Variants in VPS13C observed in about 807,000 individuals in gnomAD.
VPS13C encodes the protein vacuolar protein sorting 13 homolog C.
Under a neutral mutation model 456.8 loss-of-function variants are expected in VPS13C, and 358 were observed. That is an observed-to-expected ratio of 0.78 (90% CI 0.72 to 0.86). The LOEUF (loss-of-function observed/expected upper bound fraction) is 0.86, where lower values mean the gene tolerates loss of function less well. Ranked by LOEUF, VPS13C falls within the 40% of genes least tolerant of loss-of-function variation. VPS13C has a pLI of 0.00. For missense variants in VPS13C, 4,818 were observed against 4,385.4 expected (o/e 1.10, Z -2.79); for synonymous variants, 1,578 against 1,486.7 (o/e 1.06, Z -1.41).
rs368300154 is a variant in VPS13C at position 61,972,219 on chromosome 15, T to C, written c.2757+406A>G. 2.4e-4 allele frequency among the ~76,000 whole-genome samples: 37 copies of C among 152,338 alleles called. No individual in the cohort carries two copies. In the East Asian group the frequency reaches 5.4e-3, roughly 22 times the overall value. On this transcript the variant is annotated intron_variant, in intron 27 of 84. Transcript: ENST00000644861. ...ATGACTTTTAAAGGCTGTAAACGTA[T>C]GTTGGAAATTTAGGTTGTTTACATT... is the stretch of plus-strand genomic sequence containing the variant.
chr15:61,898,442 G>A (rs1436717753), intron 66 of VPS13C, among the ~76,000 whole-genome samples: 12 of 150,964 alleles, frequency 7.9e-5, no homozygotes, highest in African/African-American at 2.9e-4. Context: ...AAAAAGGCAG[G>A]GGTTGCAATC....
At position 61,973,272 on chromosome 15, in the gene VPS13C, G is replaced by A. The variant is rs191897901; in HGVS notation, c.2617+182C>T. ...AAAAACCCTTCATTTGTCCAACGAA[G>A]ACAGAAACTTGGGCTTAAAGGGGAT... is the stretch of plus-strand genomic sequence containing the variant. On this transcript the variant is annotated intron_variant, in intron 26 of 84. Coordinates refer to ENST00000644861, the MANE Select transcript of VPS13C (RefSeq NM_020821.3). Among the ~76,000 whole-genome samples the A allele has an allele frequency of 6.6e-3, 1,009 of 152,174 alleles. 11 individuals carry two copies. The highest frequency in any genetic ancestry group is 0.014 in the Middle Eastern group (4 of 294).
chr15:61,954,455 A>T lies in VPS13C; in HGVS notation c.4265T>A (p.Ile1422Asn). 6.2e-7 allele frequency: 1 copy of T among 1,607,628 alleles called. No individual in the cohort carries two copies. Among genetic ancestry groups the T allele is most frequent in the Non-Finnish European group, 8.5e-7 (1 of 1,177,788 alleles). The change falls in exon 38 of 85, where the codon ATC becomes AAC. Residue 1422 changes from isoleucine (I) to asparagine (N), a missense_variant. Physicochemically the swap from Ile to Asn is moderately radical, Grantham distance 149. Coordinates refer to ENST00000644861, the MANE Select transcript of VPS13C (RefSeq NM_020821.3). ...TTCAAAATTCAGCAGCATATTAATG[A>T]TGTCTACAGACCTAATTTCTTCCAC... ...TGVEEIRSVD[I>N]INMLLNFEIK...
In VPS13C at chr15:61,867,002, ATAACT is replaced by A. The variant is rs753758995; in HGVS notation, c.10863+1652_10863+1656del. The A allele has an allele frequency of 3.1e-6, 3 of 952,896 alleles. No individual in the cohort carries two copies. The highest frequency in any genetic ancestry group is 1.2e-4 in the East Asian group (1 of 8,662). The allele number at this position is 952,896 out of a possible 1,614,324, so 59.0% of individuals were successfully genotyped here. Reference sequence around the variant, plus strand: ...TATTACAAAAAAAAGAAATTGAAACATAACTTATGTTGAGAATTAAGAGGATACTA... The same window carrying A: ...TATTACAAAAAAAAGAAATTGAAACATATGTTGAGAATTAAGAGGATACTA... On this transcript the variant is annotated intron_variant, in intron 81 of 84. Transcript: ENST00000644861. The surrounding 1 kb of genome is among the most constrained non-coding windows in gnomAD (Gnocchi z 5.0).
intron 1 of VPS13C, 133 bp downstream of exon 1, chr15:62,060,142 T>G: frequency 2.2e-6 from 1 of 453,858 alleles, no homozygotes. Flanking sequence ...GGCTCCCGCA[T>G]CTAGCACCTG....
In VPS13C at chr15:61,868,792, T is replaced by C; in HGVS notation, c.10749-19A>G. The stretch of plus-strand genomic sequence containing the variant: ...TGCTGCCCTGAATAAGGCATCAGAG[T>C]AAGTGTAAGAAAATACGTGAGAGTC... On this transcript the variant is annotated intron_variant, in intron 80 of 84. Coordinates refer to ENST00000644861, the MANE Select transcript of VPS13C (RefSeq NM_020821.3). The C allele has an allele frequency of 6.3e-7, 1 of 1,592,270 alleles. No homozygotes were observed.
chr15:61,930,204 G>A (rs1484593044), intron 50 of VPS13C, among the ~76,000 whole-genome samples: 1 of 152,162 alleles, frequency 6.6e-6, no homozygotes, highest in East Asian at 1.9e-4. Flanking sequence ...GAGTCTGAAA[G>A]TATTCAATAC....
Position 61,861,874 on chromosome 15 carries a change from C to T in VPS13C, c.10952+1566G>A, listed in dbSNP as rs1046132073. ...TGGCACTTTGGGAGGCCAAGGTGGACGGATCACTTGAGGCCAGGAGTTCAA... is the reference window on the plus strand; with the variant it reads ...TGGCACTTTGGGAGGCCAAGGTGGATGGATCACTTGAGGCCAGGAGTTCAA... On this transcript the variant is annotated intron_variant, in intron 82 of 84. Transcript: ENST00000644861. 1.2e-4 allele frequency among the ~76,000 whole-genome samples: 19 copies of T among 152,068 alleles called. No homozygotes were observed. The East Asian group carries it at 2.5e-3, about 20-fold the overall frequency.
At position 61,991,037 on chromosome 15, in the gene VPS13C, T is replaced by C. The variant is rs1378562666; in HGVS notation, c.1541A>G (p.Tyr514Cys). The C allele has an allele frequency of 1.4e-5, 23 of 1,612,788 alleles. No individual in the cohort carries two copies. The highest frequency in any genetic ancestry group is 1.9e-5 in the Non-Finnish European group (23 of 1,179,586). ...EKDKLFTAIG[Y>C]SESTHNLTLP... The stretch of plus-strand genomic sequence containing the variant: ...AGTTAGGTTGTGGGTACTCTCACTA[T>C]AACCAATGGCAGTGAAGAGTTTATC... The change falls in exon 18 of 85, where the codon TAT (tyrosine) becomes TGT (cysteine). Residue 514 changes from tyrosine (Y) to cysteine (C), a missense_variant. Around this residue, in one of 3 missense-constraint regions of VPS13C, gnomAD observed 4,552 missense variants for 4,130.6 expected, o/e 1.10. Coordinates refer to ENST00000644861, the MANE Select transcript of VPS13C (RefSeq NM_020821.3).
intron 8 of VPS13C, among the ~76,000 whole-genome samples, chr15:62,022,936 T>C (rs960456282): frequency 9.9e-5 from 15 of 151,898 alleles, no homozygotes; most frequent in African/African-American, 3.6e-4. Context: ...GCAACTACTG[T>C]TGCACATGTG....
intron 63 of VPS13C, among the ~76,000 whole-genome samples, chr15:61,911,275 CTCT>C (rs1318094691): frequency 6.6e-6 from 1 of 152,184 alleles, no homozygotes; most frequent in African/African-American, 2.4e-5. Flanking sequence ...CAAATCCCAC[CTCT>C]TCTGTGAAAC....
intron 47 of VPS13C, among the ~76,000 whole-genome samples, chr15:61,937,173 G>C (rs1273066727): frequency 1.3e-5 from 2 of 152,122 alleles, no homozygotes; most frequent in African/African-American, 4.8e-5. Flanking sequence ...CTACCAAATA[G>C]TAAAAAGATG....
intron 41 of VPS13C, 128 bp from the exon 42 acceptor site, chr15:61,949,733 G>A (rs1012087217): frequency 7.4e-6 from 6 of 805,968 alleles, no homozygotes; most frequent in African/African-American, 5.4e-5. Flanking sequence ...ATTTTTTTAA[G>A]AACTCACTAT....
At chr15:61,922,118 T>C in intron 54 of VPS13C, 85 bp from the exon 55 acceptor site, 3 of 1,397,860 alleles carry the variant, frequency 2.1e-6, no homozygotes, top group Non-Finnish European at 3.0e-6. Context: ...TATTAAGTAA[T>C]CAATGTTATA....
At chr15:61,900,770 A>G (rs1204095402) in intron 66 of VPS13C, among the ~76,000 whole-genome samples, 3 of 151,796 alleles carry the variant, frequency 2.0e-5, no homozygotes, top group African/African-American at 4.8e-5. Context: ...TTTAAAGTTC[A>G]TATGGAACCA....
At chr15:61,980,602 T>C (rs2045852299) in intron 22 of VPS13C, among the ~76,000 whole-genome samples, 1 of 152,062 alleles carries the variant, frequency 6.6e-6, no homozygotes, top group Non-Finnish European at 1.5e-5. Flanking sequence ...CAGTCCTAAT[T>C]TGGCTTCTTC....
In VPS13C at chr15:61,911,825, A is replaced by G. The variant is rs918400810; in HGVS notation, c.8715+15T>C. 2 of 1,571,808 alleles carry G rather than the reference A, an allele frequency of 1.3e-6. No individual in the cohort carries two copies. Among genetic ancestry groups the G allele is most frequent in the Non-Finnish European group, 1.7e-6 (2 of 1,158,088 alleles). ...GTATATTTTAGGAATCAGTTGTAAC[A>G]AAGAAAAATGCTACCTCTGAAGAAG... On this transcript the variant is annotated intron_variant, in intron 63 of 84. Coordinates refer to ENST00000644861, the MANE Select transcript of VPS13C (RefSeq NM_020821.3).
At chr15:61,980,079 G>A (rs2140379109) in intron 22 of VPS13C, among the ~76,000 whole-genome samples, 1 of 149,532 alleles carries the variant, frequency 6.7e-6, no homozygotes, top group Middle Eastern at 3.5e-3. Flanking sequence ...AGATACTTGT[G>A]AGGCTGAGGC....
At chr15:61,951,662 A>C (rs1195831741) in intron 39 of VPS13C, among the ~76,000 whole-genome samples, 162 bp downstream of exon 39, 1 of 152,218 alleles carries the variant, frequency 6.6e-6, no homozygotes, top group Non-Finnish European at 1.5e-5. Context: ...GCTTTTCAAA[A>C]TGGGTCCCCT....
Sources: allele counts gnomAD v4.1 joint callset (sites outside exome capture counted in the v4.1 genomes callset), GRCh38; gene constraint gnomAD v4.1.1; regional missense constraint gnomAD v4.1.1; non-coding constraint Gnocchi (gnomAD v3.1); transcripts MANE v1.5; gene names NCBI Gene and HGNC (gene_info 2026-07-23, HGNC 2026-07-21).